SETBP1: variants seen among roughly 807,000 people sequenced by gnomAD.
The protein encoded by SETBP1 is SET binding protein 1, also known as SET-binding protein.
A neutral mutation model predicts 101.0 loss-of-function variants in SETBP1; 9 were observed. The ratio of observed to expected loss-of-function variants is 0.09; its 90% CI spans 0.05 to 0.16. The LOEUF (loss-of-function observed/expected upper bound fraction) is 0.16, where lower values mean the gene tolerates loss of function less well. Ranked by LOEUF, SETBP1 falls within the 10% of genes least tolerant of loss-of-function variation. The pLI is 1.00. For missense variants in SETBP1, 1,858 were observed against 2,033.8 expected (o/e 0.91, Z 1.66); for synonymous variants, 818 against 788.5 (o/e 1.04, Z -0.63).
At chr18:44,978,331 A>G (rs2072036821) in intron 4 of SETBP1, among the ~76,000 whole-genome samples, 2 of 152,138 alleles carry the variant, frequency 1.3e-5, no homozygotes, top group Non-Finnish European at 2.9e-5. Context: ...AAGGAGAGAA[A>G]CTGGAAGCTG....
intron 3 of SETBP1, among the ~76,000 whole-genome samples, chr18:44,878,564 T>C (rs992529709): frequency 6.6e-6 from 1 of 152,236 alleles, no homozygotes; most frequent in South Asian, 2.1e-4. Context: ...GAATGACTCC[T>C]GCATAGTAAA....
At chr18:44,789,163 T>C (rs2071314687) in intron 2 of SETBP1, among the ~76,000 whole-genome samples, 1 of 152,184 alleles carries the variant, frequency 6.6e-6, no homozygotes, top group South Asian at 2.1e-4. Flanking sequence ...ATGGACTTTT[T>C]GACTCGTTTT....
At chr18:44,892,179 A>G (rs2069787183) in intron 3 of SETBP1, among the ~76,000 whole-genome samples, 1 of 152,184 alleles carries the variant, frequency 6.6e-6, no homozygotes, top group African/African-American at 2.4e-5. Flanking sequence ...TTTGTTTGCT[A>G]TTAAAGGGCT....
chr18:44,919,347 CTT>C (rs537734514), intron 3 of SETBP1, among the ~76,000 whole-genome samples: 38 of 138,750 alleles, frequency 2.7e-4, no homozygotes, highest in Non-Finnish European at 3.4e-4. Context: ...ATCCCCCCAT[CTT>C]TTTTTTTTTT....
At chr18:44,961,860 C>G (rs1405726931) in intron 4 of SETBP1, among the ~76,000 whole-genome samples, 1 of 152,124 alleles carries the variant, frequency 6.6e-6, no homozygotes, top group Non-Finnish European at 1.5e-5. Flanking sequence ...GAAGAATGAA[C>G]AAGTTATCAC....
intron 2 of SETBP1, among the ~76,000 whole-genome samples, chr18:44,730,566 A>G (rs896068452): frequency 6.6e-6 from 1 of 152,226 alleles, no homozygotes; most frequent in Admixed American, 6.5e-5. Context: ...CTCTCCATCC[A>G]AGAGGCTCTC....
intron 4 of SETBP1, among the ~76,000 whole-genome samples, chr18:44,972,038 G>T (rs2071874502): frequency 6.6e-6 from 1 of 152,138 alleles, no homozygotes; most frequent in Admixed American, 6.5e-5. Context: ...TATGCATCTT[G>T]AATTAATTTT....
chr18:44,953,568 C>T (rs1158344664), intron 4 of SETBP1, among the ~76,000 whole-genome samples: 1 of 152,192 alleles, frequency 6.6e-6, no homozygotes, highest in African/African-American at 2.4e-5. Flanking sequence ...AACTGTGAAG[C>T]CATAACCCTA....
At chr18:44,818,068 T>C (rs78293343) in intron 2 of SETBP1, among the ~76,000 whole-genome samples, 1 of 152,348 alleles carries the variant, frequency 6.6e-6, no homozygotes, top group East Asian at 1.9e-4. Context: ...ATCACCACAT[T>C]TAATCTTCTA....
chr18:44,855,766 G>A (rs531985351), intron 2 of SETBP1, among the ~76,000 whole-genome samples: 1 of 152,328 alleles, frequency 6.6e-6, no homozygotes, highest in East Asian at 1.9e-4. Context: ...TACTCTCACT[G>A]GCATGGTGTG....
chr18:44,984,316 G>A (rs1446726371), intron 4 of SETBP1, among the ~76,000 whole-genome samples: 1 of 152,196 alleles, frequency 6.6e-6, no homozygotes, highest in Admixed American at 6.5e-5. Context: ...GCGGAGAAGG[G>A]AGGATAATTT....
intron 3 of SETBP1, among the ~76,000 whole-genome samples, chr18:44,905,406 G>A (rs1388724055): frequency 1.3e-5 from 2 of 152,130 alleles, no homozygotes; most frequent in Non-Finnish European, 2.9e-5. Context: ...GGAAGGATAC[G>A]GAATATGTAT....
chr18:44,845,030 G>C (rs181576724), intron 2 of SETBP1, among the ~76,000 whole-genome samples: 1 of 152,304 alleles, frequency 6.6e-6, no homozygotes, highest in East Asian at 1.9e-4. Flanking sequence ...GTGAGGAAGA[G>C]TTTTTGTTGT....
intron 2 of SETBP1, among the ~76,000 whole-genome samples, chr18:44,868,382 T>G (rs549488778): frequency 6.6e-6 from 1 of 152,128 alleles, no homozygotes; most frequent in Non-Finnish European, 1.5e-5. Flanking sequence ...GCTGATTTTT[T>G]TTTTGTTTGT....
In SETBP1 at chr18:44,779,565, G is replaced by A. The variant is rs917688635; in HGVS notation, c.486+77733G>A. Among the ~76,000 whole-genome samples, 4 of 152,110 alleles carry A rather than the reference G, an allele frequency of 2.6e-5. No homozygotes were observed. The South Asian group carries it at 8.3e-4, about 32-fold the overall frequency. On this transcript the variant is annotated intron_variant, in intron 2 of 5. Transcript: ENST00000649279. ...TGGTTACACTGGGGACAAACAGTTG[G>A]CAGGAGAGGATGAGGAAGAGAGAAA...
At position 45,063,131 on chromosome 18, in the gene SETBP1, G is replaced by C. The variant is rs1193158632; in HGVS notation, c.4224G>C (p.Gln1408His). 6.2e-7 allele frequency: 1 copy of C among 1,613,920 alleles called. No homozygotes were observed. The highest frequency in any genetic ancestry group is 1.3e-5 in the African/African-American group (1 of 74,888). Reference sequence around the variant, plus strand: ...AGCGGCGGGAGATCGAAGCCATCCAGTGCGAAGTGCGGAAGATGTGCAACT... The same window carrying C: ...AGCGGCGGGAGATCGAAGCCATCCACTGCGAAGTGCGGAAGATGTGCAACT... ...RFKRREIEAI[Q>H]CEVRKMCNYT... Residue 1408 changes from glutamine to histidine, a missense_variant, in exon 6 of 6, where the codon CAG becomes CAC. By Grantham distance (24) the Gln-to-His change is conservative. This residue lies in a region of SETBP1 where 417 missense variants were observed against 389.1 expected (regional missense o/e 1.07). Coordinates refer to ENST00000649279, the MANE Select transcript of SETBP1 (RefSeq NM_015559.3).
chr18:45,009,856 A>G (rs1449578506), intron 4 of SETBP1, among the ~76,000 whole-genome samples: 1 of 151,932 alleles, frequency 6.6e-6, no homozygotes, highest in African/African-American at 2.4e-5. Flanking sequence ...ATTCTTTCCA[A>G]TCTACCATGC....
At chr18:45,027,437 A>C (rs1292906853) in intron 4 of SETBP1, among the ~76,000 whole-genome samples, 1 of 152,192 alleles carries the variant, frequency 6.6e-6, no homozygotes, top group East Asian at 1.9e-4. Flanking sequence ...TCAGTCTCTT[A>C]ACTTTCATAT....
At chr18:45,045,930 G>A (rs1315080846) in intron 5 of SETBP1, among the ~76,000 whole-genome samples, 3 of 151,962 alleles carry the variant, frequency 2.0e-5, no homozygotes, top group Non-Finnish European at 4.4e-5. Flanking sequence ...CATGCCCTTT[G>A]AATGGCTAAT....
Sources: allele counts gnomAD v4.1 joint callset (sites outside exome capture counted in the v4.1 genomes callset), GRCh38; gene constraint gnomAD v4.1.1; regional missense constraint gnomAD v4.1.1; transcripts MANE v1.5; gene names NCBI Gene and HGNC (gene_info 2026-07-23, HGNC 2026-07-21).